The following PCCA variants were observed in gnomAD, a reference collection of about 807,000 sequenced individuals.
PCCA encodes the protein propionyl-CoA carboxylase subunit alpha.
A neutral mutation model predicts 101.3 loss-of-function variants in PCCA; 74 were observed. The ratio of observed to expected loss-of-function variants is 0.73; its 90% confidence interval spans 0.61 to 0.89. PCCA has a LOEUF of 0.89. Ranked by LOEUF, PCCA falls within the 40% of genes least tolerant of loss-of-function variation. The pLI, the probability that PCCA is intolerant of heterozygous loss-of-function variation, is 0.00. For missense variants in PCCA, 891 were observed against 907.0 expected (o/e 0.98, Z 0.23); for synonymous variants, 294 against 313.6 (o/e 0.94, Z 0.66).
intron 19 of PCCA, among the ~76,000 whole-genome samples, chr13:100,422,600 C>A (rs2078902566): frequency 6.6e-6 from 1 of 152,130 alleles, no homozygotes; most frequent in East Asian, 1.9e-4. Context: ...TTTCTAACCC[C>A]CTTCCTCCTC....
intron 19 of PCCA, among the ~76,000 whole-genome samples, chr13:100,372,581 T>C (rs2152817250): frequency 6.6e-6 from 1 of 152,294 alleles, no homozygotes; most frequent in East Asian, 1.9e-4. Context: ...TATAAATATA[T>C]AAATGTTTCA....
intron 19 of PCCA, among the ~76,000 whole-genome samples, chr13:100,388,668 C>T (rs1171337014): frequency 6.6e-6 from 1 of 152,054 alleles, no homozygotes; most frequent in African/African-American, 2.4e-5. Flanking sequence ...TGGTGGTGGT[C>T]ACCTGTAGTC....
At chr13:100,476,270 G>T (rs973368037) in intron 21 of PCCA, among the ~76,000 whole-genome samples, 2 of 152,138 alleles carry the variant, frequency 1.3e-5, no homozygotes, top group Non-Finnish European at 1.5e-5. Context: ...ACATTACTGG[G>T]CAGTTTCCTC....
intron 22 of PCCA, among the ~76,000 whole-genome samples, chr13:100,516,717 G>A (rs1038965440): frequency 1.4e-4 from 21 of 147,882 alleles, no homozygotes; most frequent in African/African-American, 5.0e-4. Flanking sequence ...GGATTTGGGA[G>A]AGGCCATAAG....
At chr13:100,344,846 CTG>C (rs2071951311) in intron 18 of PCCA, among the ~76,000 whole-genome samples, 1 of 152,186 alleles carries the variant, frequency 6.6e-6, no homozygotes, top group Non-Finnish European at 1.5e-5. Flanking sequence ...TTCACTGTCT[CTG>C]TGTCACATTT....
chr13:100,471,350 C>T (rs1040389720), intron 21 of PCCA, among the ~76,000 whole-genome samples: 5 of 152,076 alleles, frequency 3.3e-5, no homozygotes, highest in South Asian at 4.1e-4. Context: ...CAACAGATAA[C>T]GACGAAAATG....
chr13:100,119,479 A>G (rs1297583302), intron 4 of PCCA, among the ~76,000 whole-genome samples: 2 of 152,190 alleles, frequency 1.3e-5, no homozygotes, highest in Non-Finnish European at 2.9e-5. Flanking sequence ...TAATTTTTAT[A>G]TTAAATTTTT....
At chr13:100,309,577 T>C (rs114529308) in intron 15 of PCCA, among the ~76,000 whole-genome samples, 34 of 152,300 alleles carry the variant, frequency 2.2e-4, no homozygotes, top group African/African-American at 7.2e-4. Flanking sequence ...GTACTTACTT[T>C]TGTTACGTTT....
chr13:100,283,874 G>A (rs900131048), intron 12 of PCCA, among the ~76,000 whole-genome samples: 8 of 152,122 alleles, frequency 5.3e-5, no homozygotes, highest in Middle Eastern at 3.2e-3. Context: ...CTGCCGCCTC[G>A]TCCATGTCCA....
intron 8 of PCCA, among the ~76,000 whole-genome samples, chr13:100,243,449 T>TG (rs1234553469): frequency 2.0e-5 from 3 of 152,100 alleles, no homozygotes; most frequent in Non-Finnish European, 4.4e-5. Flanking sequence ...TAGAGATACC[T>TG]GGGGAAAAAA....
At chr13:100,150,409 C>A in intron 4 of PCCA, 1 of 348,912 alleles carries the variant, frequency 2.9e-6, no homozygotes, top group Non-Finnish European at 4.7e-6. Flanking sequence ...ATATTTTTAT[C>A]ATTGTATATG....
At chr13:100,291,719 A>G (rs1490221050) in intron 12 of PCCA, among the ~76,000 whole-genome samples, 3 of 152,176 alleles carry the variant, frequency 2.0e-5, no homozygotes, top group African/African-American at 7.2e-5. Flanking sequence ...GGAAGAGCAT[A>G]TGTCTCCTAG....
chr13:100,205,907 A>G (rs1363813703), intron 6 of PCCA, among the ~76,000 whole-genome samples: 4 of 152,220 alleles, frequency 2.6e-5, no homozygotes, highest in African/African-American at 7.2e-5. Flanking sequence ...TTGGATAAAG[A>G]GAAATGAATA....
rs1387998442 is a variant in PCCA at position 100,353,767 on chromosome 13, A to C, written c.1643+13508A>C. On this transcript the variant is annotated intron_variant, in intron 18 of 23. Transcript: ENST00000376285. Reference sequence around the variant, plus strand: ...CACTAGTTCGAGACCAGCCTGGGCAACATGGTGAAACCCTATCTCTATAAA... The same window carrying C: ...CACTAGTTCGAGACCAGCCTGGGCACCATGGTGAAACCCTATCTCTATAAA... Among the ~76,000 whole-genome samples, 5 of 152,122 alleles carry C rather than the reference A, an allele frequency of 3.3e-5. No individual in the cohort carries two copies. The South Asian group carries it at 8.3e-4, about 25-fold the overall frequency.
chr13:100,236,035 C>T (rs1474569731), intron 8 of PCCA, among the ~76,000 whole-genome samples, 157 bp downstream of exon 8: 1 of 152,132 alleles, frequency 6.6e-6, no homozygotes, highest in Non-Finnish European at 1.5e-5. Flanking sequence ...GTTGAATTGC[C>T]AAATTCTATT....
intron 8 of PCCA, among the ~76,000 whole-genome samples, chr13:100,248,870 C>T (rs977783801): frequency 9.9e-5 from 15 of 152,034 alleles, no homozygotes; most frequent in African/African-American, 3.6e-4. Flanking sequence ...CCTCAGCCTC[C>T]TGAGTAGCTG....
At chr13:100,345,711 A>G (rs2072098349) in intron 18 of PCCA, among the ~76,000 whole-genome samples, 1 of 152,208 alleles carries the variant, frequency 6.6e-6, no homozygotes, top group Non-Finnish European at 1.5e-5. Flanking sequence ...GCCATCTCAT[A>G]CTTTCATAGC....
chr13:100,351,098 G>A (rs776271381), intron 18 of PCCA, among the ~76,000 whole-genome samples: 1 of 152,102 alleles, frequency 6.6e-6, no homozygotes, highest in Non-Finnish European at 1.5e-5. Context: ...CTCTGGATAT[G>A]TTTTATAGGG....
chr13:100,325,856 A>G (rs1003093964), intron 16 of PCCA, among the ~76,000 whole-genome samples: 1 of 152,124 alleles, frequency 6.6e-6, no homozygotes, highest in Non-Finnish European at 1.5e-5. Context: ...AGTTCTTTTG[A>G]TATGGACAGA....
Sources: gnomAD v4.1 joint callset for allele counts (sites outside exome capture counted in the v4.1 genomes callset) on GRCh38, gnomAD v4.1.1 for gene constraint, MANE v1.5 for transcripts, NCBI Gene and HGNC (gene_info 2026-07-23, HGNC 2026-07-21) for gene names.